The following MYO5B variants were observed in gnomAD, a reference collection of about 807,000 sequenced individuals.
MYO5B encodes the protein myosin VB, also known as unconventional myosin-Vb.
In MYO5B, 143 loss-of-function variants were observed where a neutral mutation model predicts 229.3. The observed-to-expected ratio is 0.62, with a 90% CI of 0.54 to 0.72. MYO5B has a LOEUF of 0.72. Among genes scored for constraint, MYO5B ranks in the 30% least tolerant of loss-of-function variants. The pLI is 0.00. For missense variants in MYO5B, 2,321 were observed against 2,331.0 expected (o/e 1.00, Z 0.09); for synonymous variants, 918 against 885.2 (o/e 1.04, Z -0.66).
At chr18:50,060,033 CAG>C (rs753327972) in intron 1 of MYO5B, among the ~76,000 whole-genome samples, 56 of 152,146 alleles carry the variant, frequency 3.7e-4, no homozygotes, top group Non-Finnish European at 6.5e-4. Flanking sequence ...GGTTTGGAGA[CAG>C]AAAGGATTCG....
intron 2 of MYO5B, among the ~76,000 whole-genome samples, chr18:50,043,518 AG>A (rs2030121405): frequency 7.3e-5 from 7 of 96,232 alleles, no homozygotes; most frequent in African/African-American, 2.9e-4. Context: ...TATATTTATA[AG>A]TATATAAATA....
chr18:50,106,489 C>G (rs543979755), intron 1 of MYO5B, among the ~76,000 whole-genome samples: 2 of 152,294 alleles, frequency 1.3e-5, no homozygotes, highest in East Asian at 3.9e-4. Context: ...AGTTTAATCT[C>G]TTACCATTTT....
chr18:49,937,490 C>A (rs549281703), intron 14 of MYO5B, 93 bp from the exon 15 acceptor site: 23 of 1,450,568 alleles, frequency 1.6e-5, no homozygotes, highest in Non-Finnish European at 9.5e-7. Flanking sequence ...TACCTGAGAA[C>A]GGAAAACACA....
chr18:49,843,357 A>G lies in MYO5B; in HGVS notation c.4495T>C (p.Cys1499Arg), dbSNP rs754725045. 2 of 1,614,202 alleles carry G rather than the reference A, an allele frequency of 1.2e-6. No individual in the cohort carries two copies. The highest frequency in any genetic ancestry group is 1.7e-6 in the Non-Finnish European group (2 of 1,180,026). ...ATGTAGAGGATGTAGGCGGGGAGAC[A>G]GGGCACTGTGCCCGACAGCATCTGG... ...KPQMLSGTVP[C>R]LPAYILYMCI... is the part of the protein sequence containing the mutation. Residue 1499 changes from cysteine (C) to arginine (R), a missense_variant, in exon 34 of 40, where the codon TGT (cysteine) becomes CGT (arginine). Physicochemically the swap from Cys to Arg is radical, Grantham distance 180 (BLOSUM62 -3). Coordinates refer to ENST00000285039, the MANE Select transcript of MYO5B (RefSeq NM_001080467.3).
At chr18:49,869,310 G>A (rs79109328) in intron 27 of MYO5B, among the ~76,000 whole-genome samples, 36,367 of 151,970 alleles carry the variant, frequency 0.24, 4,449 homozygotes, top group East Asian at 0.41. Context: ...TCCCCTGAAT[G>A]TCTGGGCTGG....
chr18:50,047,701 C>A (rs1432314301), intron 2 of MYO5B, among the ~76,000 whole-genome samples: 2 of 152,056 alleles, frequency 1.3e-5, no homozygotes, highest in Non-Finnish European at 2.9e-5. Context: ...AAATGTCCAA[C>A]AACGGTAGAC....
At chr18:50,147,828 C>A (rs989835960) in intron 1 of MYO5B, among the ~76,000 whole-genome samples, 1 of 152,082 alleles carries the variant, frequency 6.6e-6, no homozygotes, top group Non-Finnish European at 1.5e-5. Context: ...GCTCAATAAG[C>A]AACTACCTTG....
At chr18:50,050,943 G>A (rs762741845) in intron 2 of MYO5B, among the ~76,000 whole-genome samples, 3 of 152,154 alleles carry the variant, frequency 2.0e-5, no homozygotes, top group Non-Finnish European at 2.9e-5. Context: ...TGCTCTTGTC[G>A]TGGTTCCAGG....
chr18:49,894,843 G>T, intron 22 of MYO5B, 98 bp downstream of exon 22: 1 of 1,055,124 alleles, frequency 9.5e-7, no homozygotes, highest in South Asian at 1.3e-5. Context: ...CAAGACCATG[G>T]CAATTTTACC....
intron 1 of MYO5B, among the ~76,000 whole-genome samples, chr18:50,177,878 G>A (rs2033019274): frequency 1.3e-5 from 2 of 152,202 alleles, no homozygotes; most frequent in South Asian, 4.1e-4. Flanking sequence ...CAGCTGCCAT[G>A]ACAGCCAGGC....
intron 1 of MYO5B, among the ~76,000 whole-genome samples, chr18:50,105,932 A>G (rs550941090): frequency 1.3e-5 from 2 of 152,178 alleles, no homozygotes; most frequent in African/African-American, 4.8e-5. Flanking sequence ...TAAACACATA[A>G]ACAAGCCTCC....
chr18:50,176,622 T>C (rs1334013588), intron 1 of MYO5B, among the ~76,000 whole-genome samples: 1 of 152,194 alleles, frequency 6.6e-6, no homozygotes, highest in African/African-American at 2.4e-5. Flanking sequence ...GACCAAAACT[T>C]CTTGATGGTC....
chr18:49,981,793 C>A (rs973702164), intron 8 of MYO5B, among the ~76,000 whole-genome samples: 1 of 152,026 alleles, frequency 6.6e-6, no homozygotes, highest in Admixed American at 6.6e-5. Flanking sequence ...CTTAAAAATC[C>A]CCCCCAAAAA....
At chr18:50,054,705 T>C (rs1237891565) in intron 2 of MYO5B, among the ~76,000 whole-genome samples, 1 of 152,178 alleles carries the variant, frequency 6.6e-6, no homozygotes, top group Non-Finnish European at 1.5e-5. Flanking sequence ...AAATGCTCAC[T>C]ACAGCAGCTA....
At position 49,964,586 on chromosome 18, in the gene MYO5B, C is replaced by T. The variant is rs187353025; in HGVS notation, c.1323-1556G>A. 6.0e-4 allele frequency among the ~76,000 whole-genome samples: 92 copies of T among 152,280 alleles called. 1 individual carries two copies. Among genetic ancestry groups the T allele is most frequent in the African/African-American group, 2.2e-3 (90 of 41,560 alleles). On this transcript the variant is annotated intron_variant, in intron 10 of 39. Coordinates refer to ENST00000285039, the MANE Select transcript of MYO5B (RefSeq NM_001080467.3). ...TAGTGTATCACAGCTCTTTGGTCAA[C>T]TGTGTAATGTTAGCTTTTTAAAGTC...
chr18:49,836,909 C>T (rs1230853589), intron 37 of MYO5B, 24 bp from the exon 38 acceptor site: 2 of 1,612,020 alleles, frequency 1.2e-6, no homozygotes. Context: ...AGAAAGCAAG[C>T]TATGTTAAGC....
chr18:49,950,244 A>T (rs1032806662), intron 14 of MYO5B, among the ~76,000 whole-genome samples: 1 of 152,186 alleles, frequency 6.6e-6, no homozygotes, highest in African/African-American at 2.4e-5. Flanking sequence ...AGGGGTGGCA[A>T]AAAGGTCACT....
chr18:49,888,557 C>G (rs905355302), intron 22 of MYO5B, among the ~76,000 whole-genome samples: 1 of 152,094 alleles, frequency 6.6e-6, no homozygotes, highest in African/African-American at 2.4e-5. Context: ...GTTGCCAAAA[C>G]GTGTGGTTGC....
chr18:49,924,403 A>G (rs1368924365), intron 17 of MYO5B, among the ~76,000 whole-genome samples: 1 of 152,174 alleles, frequency 6.6e-6, no homozygotes, highest in Non-Finnish European at 1.5e-5. Flanking sequence ...GCTCATTGAG[A>G]TTAATTTACT....
Sources: gnomAD v4.1 joint callset for allele counts (sites outside exome capture counted in the v4.1 genomes callset) on GRCh38, gnomAD v4.1.1 for gene constraint, MANE v1.5 for transcripts, NCBI Gene and HGNC (gene_info 2026-07-23, HGNC 2026-07-21) for gene names.